Variants in DOCK6 observed in about 807,000 individuals in gnomAD.
The protein encoded by DOCK6 is dedicator of cytokinesis 6.
Under a neutral mutation model 230.3 loss-of-function variants are expected in DOCK6, and 167 were observed. That is an observed-to-expected ratio of 0.73 (90% CI 0.64 to 0.82). The LOEUF (loss-of-function observed/expected upper bound fraction) is 0.82, where lower values mean the gene tolerates loss of function less well. DOCK6 is among the 40% of genes least tolerant of loss of function. DOCK6 has a pLI of 0.00. For missense variants in DOCK6, 2,598 were observed against 2,825.8 expected, an observed-to-expected ratio of 0.92 and a Z score of 1.83; for synonymous variants, 1,148 against 1,185.0, an observed-to-expected ratio of 0.97 and a Z score of 0.64.
At position 11,243,163 on chromosome 19, in the gene DOCK6, C is replaced by A. The variant is rs1454817373; in HGVS notation, c.1387-11G>T. The A allele has an allele frequency of 7.4e-6, 12 of 1,613,134 alleles. No individual in the cohort carries two copies. Among genetic ancestry groups the A allele is most frequent in the Non-Finnish European group, 1.0e-5 (12 of 1,179,284 alleles). The stretch of plus-strand genomic sequence containing the variant: ...GAGTCGCTCAGCCTCCTACATGGGA[C>A]CCACTCCCGTCAGCCTGGGCCAGGG... On this transcript the variant is annotated splice_polypyrimidine_tract_variant and intron_variant, in intron 12 of 47. Transcript: ENST00000294618. This position sits in a 1 kb window ranked among gnomAD's most constrained non-coding sequence, Gnocchi z 6.3.
At position 11,200,478 on chromosome 19, in the gene DOCK6, C is replaced by CAG. The variant is rs766518818; in HGVS notation, c.5940-11_5940-10dup. The CAG allele has an allele frequency of 6.2e-7, 1 of 1,607,932 alleles. No individual in the cohort carries two copies. The highest frequency in any genetic ancestry group is 1.1e-5 in the South Asian group (1 of 89,554). On this transcript the variant is annotated splice_polypyrimidine_tract_variant and intron_variant, in intron 46 of 47. Transcript: ENST00000294618. The surrounding 1 kb of genome is among the most constrained non-coding windows in gnomAD (Gnocchi z 4.3). ...GCAGCGCATCCTCACATCTGAGGGC[C>CAG]AGAGGGTGGGAGATGCTCAGAGACT...
At position 11,199,541 on chromosome 19, in the gene DOCK6, T is replaced by C; in HGVS notation, c.6102-2A>G. 2 of 1,576,958 alleles carry C rather than the reference T, an allele frequency of 1.3e-6. No homozygotes were observed. The highest frequency in any genetic ancestry group is 1.7e-6 in the Non-Finnish European group (2 of 1,161,186). ...AAACTTGCTCTGTTCAAGGAGTTCC[T>C]GGAAAAAGAATGAGGGTGGGTCAGC... On this transcript the variant is annotated splice_acceptor_variant, in intron 47 of 47. Transcript: ENST00000294618. LOFTEE classifies it high-confidence loss of function.
At chr19:11,224,020 TC>T (rs985860659) in intron 24 of DOCK6, among the ~76,000 whole-genome samples, 1 of 152,022 alleles carries the variant, frequency 6.6e-6, no homozygotes, top group African/African-American at 2.4e-5. Context: ...GCAGATGCCA[TC>T]CCTGCTGCGG....
At chr19:11,238,487 G>A (rs1347939755) in intron 14 of DOCK6, 183 bp from the exon 15 acceptor site, 1 of 605,254 alleles carries the variant, frequency 1.7e-6, no homozygotes, top group African/African-American at 1.8e-5. Flanking sequence ...TAGGACAGAG[G>A]GCAGAGGGTG....
At position 11,202,735 on chromosome 19, in the gene DOCK6, T is replaced by C; in HGVS notation, c.5236-26A>G. 1 of 1,612,320 alleles carries C rather than the reference T, an allele frequency of 6.2e-7. No homozygotes were observed. The highest frequency in any genetic ancestry group is 1.1e-5 in the South Asian group (1 of 91,052). ...CTGGGGCTGTGAGAAAGGGTGTGGT[T>C]GTCCGGGAGGCCCCTGCTGGAGGTC... On this transcript the variant is annotated intron_variant, in intron 41 of 47. Transcript: ENST00000294618. This position sits in a 1 kb window ranked among gnomAD's most constrained non-coding sequence, Gnocchi z 5.3.
chr19:11,216,051 C>T, intron 30 of DOCK6, 124 bp from the exon 31 acceptor site: 1 of 1,278,866 alleles, frequency 7.8e-7, no homozygotes, highest in Non-Finnish European at 1.1e-6. Context: ...AGACAGATTG[C>T]CTTTTTCCTC....
intron 1 of DOCK6, among the ~76,000 whole-genome samples, chr19:11,259,351 A>C (rs2080246269): frequency 6.6e-6 from 1 of 151,896 alleles, no homozygotes; most frequent in Non-Finnish European, 1.5e-5. Context: ...TTTTGGTATG[A>C]ATGTTGTATG....
intron 28 of DOCK6, among the ~76,000 whole-genome samples, chr19:11,219,174 GTTTTTTTTTTTTTTT>G (rs778505119): frequency 9.1e-5 from 7 of 77,274 alleles, no homozygotes; most frequent in African/African-American, 2.2e-4. Context: ...ACTGCGCCCG[GTTTTTTTTTTTTTTT>G]TTTTTTTTTT....
chr19:11,222,680 C>T lies in DOCK6; in HGVS notation c.3240+55G>A. ...AGATGAGGGAACCATAGGAGATGGA[C>T]TGAAGGTGAGAGGTTGTAGGTCAAA... On this transcript the variant is annotated intron_variant, in intron 26 of 47. Transcript: ENST00000294618. The surrounding 1 kb of genome is among the most constrained non-coding windows in gnomAD (Gnocchi z 4.0). 6.7e-7 allele frequency: 1 copy of T among 1,496,614 alleles called. No homozygotes were observed. Among genetic ancestry groups the T allele is most frequent in the Non-Finnish European group, 9.0e-7 (1 of 1,108,474 alleles). 92.7% of individuals were successfully genotyped at this position (1,496,614 alleles called of 1,614,324 possible). A position where few individuals can be genotyped will look rare whatever the true frequency, so the allele number is the denominator to read the frequency against.
chr19:11,202,417 T>G lies in DOCK6; in HGVS notation c.5428A>C (p.Lys1810Gln). 1 of 1,613,898 alleles carries G rather than the reference T, an allele frequency of 6.2e-7. No individual in the cohort carries two copies. The highest frequency in any genetic ancestry group is 8.5e-7 in the Non-Finnish European group (1 of 1,179,862). Residue 1810 changes from lysine to glutamine, a missense_variant, in exon 43 of 48, where the codon AAG (lysine) becomes CAG (glutamine). Coordinates refer to ENST00000294618, the MANE Select transcript of DOCK6 (RefSeq NM_020812.4). This position sits in a 1 kb window ranked among gnomAD's most constrained non-coding sequence, Gnocchi z 5.3. ...ACCTTTTGTGAGTCAAGCTTGGACT[T>G]GTCCACAGGGTTAGAGTCTTTGATA... ...EIIKDSNPVD[K>Q]SKLDSQKAYI...
chr19:11,223,652 T>C (rs1434207356), intron 24 of DOCK6, among the ~76,000 whole-genome samples: 3 of 152,256 alleles, frequency 2.0e-5, no homozygotes, highest in African/African-American at 7.2e-5. Context: ...TTTAATTAAT[T>C]AATTTATTTT....
intron 30 of DOCK6, chr19:11,216,313 C>T (rs191280596): frequency 1.7e-3 from 292 of 172,286 alleles, no homozygotes; most frequent in African/African-American, 6.7e-3. Flanking sequence ...GTCTCAAACT[C>T]GTGGGCTCAA....
At chr19:11,246,471 G>A (rs10419122) in intron 7 of DOCK6, among the ~76,000 whole-genome samples, 17,915 of 151,868 alleles carry the variant, frequency 0.12, 1,520 homozygotes, top group African/African-American at 0.24. Context: ...GCTGAAGTGC[G>A]TGGTGGGATT....
intron 21 of DOCK6, among the ~76,000 whole-genome samples, chr19:11,234,653 G>A (rs1425847112): frequency 7.9e-5 from 12 of 152,044 alleles, no homozygotes; most frequent in African/African-American, 2.9e-4. Context: ...AACAGGCTCA[G>A]AGAAGTGACG....
chr19:11,212,285 A>G, intron 35 of DOCK6, 134 bp from the exon 36 acceptor site: 1 of 1,033,004 alleles, frequency 9.7e-7, no homozygotes, highest in South Asian at 1.6e-5. Flanking sequence ...TCTGTCGCCC[A>G]GGCTGGAGTG....
Position 11,217,370 on chromosome 19 carries a change from C to T in DOCK6, c.3572G>A (p.Arg1191Lys), listed in dbSNP as rs369351617. 1.9e-6 allele frequency: 3 copies of T among 1,613,266 alleles called. No individual in the cohort carries two copies. Among genetic ancestry groups the T allele is most frequent in the South Asian group, 2.2e-5 (2 of 90,964 alleles). The change falls in exon 29 of 48, where the codon AGA becomes AAA. Residue 1191 changes from arginine (R) to lysine (K), a missense_variant. Transcript: ENST00000294618. ...GTCTGAGTCAAGCATTGAGGCCAGT[C>T]TTGACCGCTGACCTGGGCCCTCTGG... ...DFAEGPGQRSRLASMLDSDTE... is the reference protein window; with the variant it reads ...DFAEGPGQRSKLASMLDSDTE...
intron 37 of DOCK6, 92 bp downstream of exon 37, chr19:11,211,684 C>T: frequency 9.6e-7 from 1 of 1,044,880 alleles, no homozygotes; most frequent in Admixed American, 2.1e-5. Flanking sequence ...CCTGCTCCCT[C>T]CTCACCTCCT....
chr19:11,215,855 C>T lies in DOCK6; in HGVS notation c.3967G>A (p.Glu1323Lys), dbSNP rs1235709283. The change falls in exon 31 of 48, where the codon GAA (glutamate) becomes AAA (lysine). Residue 1323 changes from glutamate to lysine, a missense_variant. By Grantham distance (56) the Glu-to-Lys change is moderately conservative. Transcript: ENST00000294618. ...GCTCCGATGGTACCCAGAATGGCTTCCTCTAGCCGCGCCTTCATATCCAGA... is the reference window on the plus strand; with the variant it reads ...GCTCCGATGGTACCCAGAATGGCTTTCTCTAGCCGCGCCTTCATATCCAGA... ...KSLDMKARLE[E>K]AILGTIGARQ... is the part of the protein sequence containing the mutation. The T allele has an allele frequency of 6.2e-7, 1 of 1,613,970 alleles. No homozygotes were observed. Among genetic ancestry groups the T allele is most frequent in the South Asian group, 1.1e-5 (1 of 91,080 alleles).
chr19:11,219,775 G>A (rs1434703360), intron 28 of DOCK6, among the ~76,000 whole-genome samples: 2 of 148,458 alleles, frequency 1.3e-5, no homozygotes, highest in South Asian at 2.1e-4. Flanking sequence ...GGGCAAGAGC[G>A]AGACTCTGTC....
Sources: gnomAD v4.1 joint callset for allele counts (sites outside exome capture counted in the v4.1 genomes callset) on GRCh38, gnomAD v4.1.1 for gene constraint, Gnocchi (gnomAD v3.1) non-coding constraint, MANE v1.5 for transcripts, NCBI Gene and HGNC (gene_info 2026-07-23, HGNC 2026-07-21) for gene names.